SNTB2: variants seen among roughly 807,000 people sequenced by gnomAD.
SNTB2 encodes beta-2-syntrophin.
A neutral mutation model predicts 46.2 loss-of-function variants in SNTB2; 34 were observed. That is an observed-to-expected ratio of 0.74 (90% CI 0.56 to 0.98). The LOEUF (loss-of-function observed/expected upper bound fraction) is 0.98, where lower values mean the gene tolerates loss of function less well. Among genes scored for constraint, SNTB2 ranks in the 50% least tolerant of loss-of-function variants. The probability of loss-of-function intolerance (pLI) is 0.00; values close to 1 mark genes in which losing one functional copy is unlikely to be tolerated. For missense variants in SNTB2, 603 were observed against 731.4 expected (o/e 0.82, Z 2.02); for synonymous variants, 290 against 312.6 (o/e 0.93, Z 0.76).
chr16:69,263,232 G>A (rs1286159029), intron 3 of SNTB2, among the ~76,000 whole-genome samples: 1 of 151,182 alleles, frequency 6.6e-6, no homozygotes, highest in East Asian at 1.9e-4. Context: ...TCAGTATCCT[G>A]AGTAGCTAGG....
intron 1 of SNTB2, chr16:69,230,280 T>G (rs1045095981): frequency 1.6e-4 from 25 of 152,168 alleles, no homozygotes; most frequent in African/African-American, 6.0e-4. Flanking sequence ...CTATATATAC[T>G]TTTTTTAATA....
At chr16:69,205,816 T>C (rs903872219) in intron 1 of SNTB2, among the ~76,000 whole-genome samples, 1 of 152,166 alleles carries the variant, frequency 6.6e-6, no homozygotes. Flanking sequence ...TAGATAACTT[T>C]TCCTGAAATA....
At chr16:69,300,406 A>G (rs930086523) in intron 6 of SNTB2, among the ~76,000 whole-genome samples, 4 of 152,066 alleles carry the variant, frequency 2.6e-5, no homozygotes, top group African/African-American at 9.7e-5. Flanking sequence ...ACGTGCCACC[A>G]TGCCTGGCTA....
chr16:69,307,895 A>G lies in SNTB2; in HGVS notation c.*6971A>G, dbSNP rs1401992138. 6.6e-6 allele frequency: 1 copy of G among 152,224 alleles called. No homozygotes were observed. Among genetic ancestry groups the G allele is most frequent in the African/African-American group, 2.4e-5 (1 of 41,456 alleles). The allele number at this position is 152,224 out of a possible 1,614,324, so 9.4% of individuals were successfully genotyped here. ...TGGACTCAATGAAAAGGGCACCTAA[A>G]GAAAATAAGGCTGACTGAATGTTTT... On this transcript the variant is annotated 3_prime_UTR_variant, in exon 7 of 7. Transcript: ENST00000336278.
intron 1 of SNTB2, among the ~76,000 whole-genome samples, chr16:69,227,841 ATTTT>A (rs60387965): frequency 1.0e-3 from 118 of 115,898 alleles, no homozygotes; most frequent in African/African-American, 3.6e-3. Flanking sequence ...GTTTCTCTGG[ATTTT>A]TTTTTTTTTT....
intron 2 of SNTB2, among the ~76,000 whole-genome samples, chr16:69,258,364 A>T (rs1361865619): frequency 6.6e-6 from 1 of 152,140 alleles, no homozygotes. Flanking sequence ...ACAAAACAAT[A>T]TTCAATAGAT....
chr16:69,280,674 C>T (rs987394987), intron 4 of SNTB2, among the ~76,000 whole-genome samples: 18 of 152,214 alleles, frequency 1.2e-4, no homozygotes, highest in Non-Finnish European at 2.2e-4. Context: ...CGGCTTTGCC[C>T]ATTTTTTAAC....
Position 69,208,990 on chromosome 16 carries a change from G to GTGTGTGTGTGTGTGTGTGTGTGTGTT in SNTB2, c.580+21245_580+21246insGTGTGTGTGTGTGTGTGTGTGTGTTT, listed in dbSNP as rs1488187077. Among the ~76,000 whole-genome samples the GTGTGTGTGTGTGTGTGTGTGTGTGTT allele has an allele frequency of 3.1e-3, 478 of 152,086 alleles. 1 individual carries two copies. The highest frequency in any genetic ancestry group is 0.011 in the African/African-American group (474 of 41,444). Reference sequence around the variant, plus strand: ...TTTTTGAGTGTGTGTGTGTGTGTGTGTTTTTGAGATGGAGTCTCACTCTAT... The same window carrying GTGTGTGTGTGTGTGTGTGTGTGTGTT: ...TTTTTGAGTGTGTGTGTGTGTGTGTGTGTGTGTGTGTGTGTGTGTGTGTGTTTTTTTGAGATGGAGTCTCACTCTAT... On this transcript the variant is annotated intron_variant, in intron 1 of 6. Transcript: ENST00000336278.
chr16:69,249,574 T>G (rs1266667163), intron 2 of SNTB2, among the ~76,000 whole-genome samples: 1 of 152,160 alleles, frequency 6.6e-6, no homozygotes, highest in Non-Finnish European at 1.5e-5. Context: ...TTTGACATAT[T>G]TATACACTAA....
At chr16:69,238,084 A>T (rs374897303) in intron 1 of SNTB2, among the ~76,000 whole-genome samples, 1 of 151,944 alleles carries the variant, frequency 6.6e-6, no homozygotes. Flanking sequence ...TCTGTCCCGG[A>T]CGCTGACCTG....
intron 1 of SNTB2, among the ~76,000 whole-genome samples, chr16:69,236,679 A>G (rs1190035808): frequency 6.6e-6 from 1 of 151,966 alleles, no homozygotes; most frequent in African/African-American, 2.4e-5. Flanking sequence ...AATTACAAAA[A>G]AAAAAAAAAG....
Position 69,300,977 on chromosome 16 carries a change from C to CA in SNTB2, c.*65dup, listed in dbSNP as rs34703750. On this transcript the variant is annotated 3_prime_UTR_variant, in exon 7 of 7. Transcript: ENST00000336278. ...ACTGTCACAAGAAATATTTCCACCT[C>CA]AAAAAAAAAAAAGCACAAAAAGAAA... 161,964 of 844,616 alleles carry CA rather than the reference C, an allele frequency of 0.19. 2,559 individuals carry two copies. Among genetic ancestry groups the CA allele is most frequent in the Middle Eastern group, 0.26 (1,005 of 3,898 alleles). 52.3% of individuals were successfully genotyped at this position (844,616 alleles called of 1,614,324 possible). A position where few individuals can be genotyped will look rare whatever the true frequency, so the allele number is the denominator to read the frequency against.
chr16:69,269,234 A>T (rs1053043876), intron 3 of SNTB2, among the ~76,000 whole-genome samples: 1 of 150,304 alleles, frequency 6.7e-6, no homozygotes, highest in Non-Finnish European at 1.5e-5. Context: ...AATACGATAG[A>T]TGGGCCAGGC....
rs1464475488 is a variant in SNTB2, at chr16:69,187,419, G to A, written c.253G>A (p.Gly85Arg). Residue 85 changes from glycine (G) to arginine (R), a missense_variant, in exon 1 of 7, where the codon GGG becomes AGG. Physicochemically the swap from Gly to Arg is moderately radical, Grantham distance 125. This residue lies in a region of SNTB2 where 537 missense variants were observed against 692.4 expected (regional missense o/e 0.78). Coordinates refer to ENST00000336278, the MANE Select transcript of SNTB2 (RefSeq NM_006750.4). ...NGGGAGDSLP[G>R]SPSRGLGPPS... ...CGGCGGCGCGGGCGACTCGCTGCCC[G>A]GGAGCCCAAGCCGCGGCCTGGGGCC... 3 of 1,219,630 alleles carry A rather than the reference G, an allele frequency of 2.5e-6. No individual in the cohort carries two copies. The highest frequency in any genetic ancestry group is 3.1e-6 in the Non-Finnish European group (3 of 982,184). The allele number at this position is 1,219,630 out of a possible 1,614,324, so 75.6% of individuals were successfully genotyped here. A position where few individuals can be genotyped will look rare whatever the true frequency, so the allele number is the denominator to read the frequency against.
intron 2 of SNTB2, among the ~76,000 whole-genome samples, chr16:69,257,276 T>C (rs77110398): frequency 6.6e-6 from 1 of 151,946 alleles, no homozygotes; most frequent in East Asian, 1.9e-4. Flanking sequence ...AGGTATAGAA[T>C]AGGAAATCAA....
rs1965074886 is a variant in SNTB2, at chr16:69,283,971, A to G, written c.1149-77A>G. The G allele has an allele frequency of 3.7e-6, 5 of 1,352,906 alleles. No individual in the cohort carries two copies. In the South Asian group the frequency reaches 4.3e-5, roughly 12 times the overall value. 83.8% of individuals were successfully genotyped at this position (1,352,906 alleles called of 1,614,324 possible). ...CTGATTGCTTTTATAAGTTTCTCTT[A>G]TCAATGAGCACAAATTCCTGACATT... On this transcript the variant is annotated intron_variant, in intron 4 of 6. Transcript: ENST00000336278.
chr16:69,281,433 T>G (rs990603298), intron 4 of SNTB2, among the ~76,000 whole-genome samples: 5 of 151,892 alleles, frequency 3.3e-5, no homozygotes, highest in African/African-American at 1.2e-4. Flanking sequence ...GTTTTACACT[T>G]AGGTCAAAGA....
intron 1 of SNTB2, among the ~76,000 whole-genome samples, chr16:69,194,218 G>T (rs1266732222): frequency 2.0e-5 from 3 of 152,202 alleles, no homozygotes; most frequent in Non-Finnish European, 4.4e-5. Context: ...TGAGGATGGG[G>T]TGCAATATGC....
intron 1 of SNTB2, among the ~76,000 whole-genome samples, chr16:69,196,121 C>T (rs1964103052): frequency 6.6e-6 from 1 of 152,002 alleles, no homozygotes; most frequent in Admixed American, 6.6e-5. Context: ...TGCCTGTGGT[C>T]CCAGCTACTT....
Sources: gnomAD v4.1 joint callset for allele counts (sites outside exome capture counted in the v4.1 genomes callset) on GRCh38, gnomAD v4.1.1 for gene constraint, gnomAD v4.1.1 regional missense constraint, MANE v1.5 for transcripts, NCBI Gene and HGNC (gene_info 2026-07-23, HGNC 2026-07-21) for gene names.